The following RARS2 variants were observed in gnomAD, a reference collection of about 807,000 sequenced individuals.
RARS2 encodes the protein arginyl-tRNA synthetase 2, mitochondrial, also known as probable arginine--tRNA ligase, mitochondrial.
Under a neutral mutation model 88.5 loss-of-function variants are expected in RARS2, and 67 were observed. That is an observed-to-expected ratio of 0.76 (90% confidence interval 0.62 to 0.93). The LOEUF is 0.93. Among genes scored for constraint, RARS2 ranks in the 40% least tolerant of loss-of-function variants. The pLI, the probability that RARS2 is intolerant of heterozygous loss-of-function variation, is 0.00. For synonymous variants in RARS2, 239 were observed against 230.3 expected (o/e 1.04, Z -0.34); for missense variants, 664 against 684.2 (o/e 0.97, Z 0.33).
chr6:87,587,408 A>C (rs766762854), intron 1 of RARS2, among the ~76,000 whole-genome samples: 2 of 152,076 alleles, frequency 1.3e-5, no homozygotes, highest in Non-Finnish European at 2.9e-5. Flanking sequence ...ATTTATCCTC[A>C]AGTTTCAGAT....
At chr6:87,520,590 C>T (rs1773518846) in intron 12 of RARS2, among the ~76,000 whole-genome samples, 1 of 152,078 alleles carries the variant, frequency 6.6e-6, no homozygotes, top group Admixed American at 6.6e-5. Flanking sequence ...TTGATGGTAA[C>T]TTTCTTCTAA....
chr6:87,555,468 T>C lies in RARS2; in HGVS notation c.335A>G (p.Tyr112Cys). Residue 112 changes from tyrosine (Y) to cysteine (C), a missense_variant, in exon 5 of 20, where the codon TAT (tyrosine) becomes TGT (cysteine). Transcript: ENST00000369536. Reference protein sequence around the residue: ...LQQVIEDGSKYGLKSELFSGL... With the variant: ...LQQVIEDGSKCGLKSELFSGL... Reference sequence around the variant, plus strand: ...AGAGAAAAGTTCACTTTTTAATCCATATTTTGAGCCATCTTCAATTACTTG... The same window carrying C: ...AGAGAAAAGTTCACTTTTTAATCCACATTTTGAGCCATCTTCAATTACTTG... 6.2e-7 allele frequency: 1 copy of C among 1,613,984 alleles called. No homozygotes were observed. Among genetic ancestry groups the C allele is most frequent in the South Asian group, 1.1e-5 (1 of 91,082 alleles).
chr6:87,522,116 G>T (rs1774069832), intron 11 of RARS2, among the ~76,000 whole-genome samples: 1 of 152,020 alleles, frequency 6.6e-6, no homozygotes, highest in South Asian at 2.1e-4. Context: ...AGGTTCACGA[G>T]GTCAGGAGTT....
intron 11 of RARS2, among the ~76,000 whole-genome samples, chr6:87,522,839 GCCTCAAGTGAT>G (rs1331338062): frequency 1.3e-5 from 2 of 152,058 alleles, no homozygotes; most frequent in East Asian, 3.9e-4. Flanking sequence ...CAAACTTCTG[GCCTCAAGTGAT>G]CCTCCTGCTT....
chr6:87,569,117 T>C lies in RARS2; in HGVS notation c.110+400A>G, dbSNP rs549915476. On this transcript the variant is annotated intron_variant, in intron 2 of 19. Coordinates refer to ENST00000369536, the MANE Select transcript of RARS2 (RefSeq NM_020320.5). ...CAACATTAAAAACCTAGTAGATAAATATGGTACAACAGTATTCAAGCACCA... is the reference window on the plus strand; with the variant it reads ...CAACATTAAAAACCTAGTAGATAAACATGGTACAACAGTATTCAAGCACCA... 2.0e-3 allele frequency among the ~76,000 whole-genome samples: 302 copies of C among 152,232 alleles called. 1 individual carries two copies. The highest frequency in any genetic ancestry group is 3.5e-3 in the Non-Finnish European group (238 of 68,004).
chr6:87,528,128 G>C (rs980977424), intron 10 of RARS2, among the ~76,000 whole-genome samples: 3 of 151,064 alleles, frequency 2.0e-5, no homozygotes, highest in African/African-American at 7.3e-5. Context: ...CATACAAAAG[G>C]CTAACAAGTA....
intron 8 of RARS2, among the ~76,000 whole-genome samples, chr6:87,536,934 A>G (rs1246736800): frequency 6.6e-6 from 1 of 152,234 alleles, no homozygotes; most frequent in Non-Finnish European, 1.5e-5. Flanking sequence ...ATGTCATGGG[A>G]AAAGAATGCT....
At chr6:87,562,224 T>C (rs942286523) in intron 4 of RARS2, among the ~76,000 whole-genome samples, 1 of 152,172 alleles carries the variant, frequency 6.6e-6, no homozygotes, top group African/African-American at 2.4e-5. Context: ...CAAGTGCTTA[T>C]ACAAACCTAG....
At chr6:87,584,561 C>A in intron 1 of RARS2, 1 of 317,918 alleles carries the variant, frequency 3.1e-6, no homozygotes, top group Non-Finnish European at 6.2e-6. Flanking sequence ...TTACAGCTGA[C>A]TTGCCAAGAG....
At chr6:87,566,080 G>C (rs1381235614) in intron 2 of RARS2, among the ~76,000 whole-genome samples, 2 of 152,318 alleles carry the variant, frequency 1.3e-5, no homozygotes, top group East Asian at 3.9e-4. Context: ...GGGAGGCCAA[G>C]GCAGGAGGAT....
At chr6:87,517,791 T>TA (rs1458980306) in intron 17 of RARS2, among the ~76,000 whole-genome samples, 2 of 152,328 alleles carry the variant, frequency 1.3e-5, no homozygotes, top group East Asian at 1.9e-4. Context: ...ATGAAGGACT[T>TA]ACGGTCTCTG....
At chr6:87,550,644 A>T (rs951343182) in intron 5 of RARS2, among the ~76,000 whole-genome samples, 1 of 151,840 alleles carries the variant, frequency 6.6e-6, no homozygotes, top group South Asian at 2.1e-4. Context: ...ATATGTTTAA[A>T]TATGGTGAAA....
At chr6:87,578,957 T>TAAA (rs1772489784) in intron 1 of RARS2, among the ~76,000 whole-genome samples, 1 of 4,450 alleles carries the variant, frequency 2.2e-4, no homozygotes, top group South Asian at 9.4e-3. Flanking sequence ...AGAGACTGTC[T>TAAA]CAAAAAAAAA....
At chr6:87,540,028 A>G (rs1023954568) in intron 8 of RARS2, among the ~76,000 whole-genome samples, 1 of 152,172 alleles carries the variant, frequency 6.6e-6, no homozygotes, top group African/African-American at 2.4e-5. Flanking sequence ...CCTCCCTATC[A>G]ATAAAACTCT....
At chr6:87,534,452 C>A (rs1778527622) in intron 8 of RARS2, among the ~76,000 whole-genome samples, 1 of 152,154 alleles carries the variant, frequency 6.6e-6, no homozygotes, top group South Asian at 2.1e-4. Flanking sequence ...TTGTAGAGCA[C>A]CACACACAAG....
At chr6:87,544,270 T>C (rs1390646338) in intron 7 of RARS2, among the ~76,000 whole-genome samples, 2 of 152,244 alleles carry the variant, frequency 1.3e-5, no homozygotes, top group African/African-American at 4.8e-5. Context: ...GAACTACAGG[T>C]TGATTTTTTA....
chr6:87,538,048 T>C (rs1021941587), intron 8 of RARS2, among the ~76,000 whole-genome samples: 1 of 152,240 alleles, frequency 6.6e-6, no homozygotes, highest in Non-Finnish European at 1.5e-5. Context: ...ATTCCTCATT[T>C]ATGCTAACAG....
At chr6:87,542,051 T>A in intron 7 of RARS2, 57 bp from the exon 8 acceptor site, 2 of 1,301,766 alleles carry the variant, frequency 1.5e-6, no homozygotes, top group African/African-American at 1.5e-5. Context: ...AGAATAGGCA[T>A]GACAGGGAAT....
chr6:87,562,376 CAGAA>C (rs1788106527), intron 4 of RARS2, among the ~76,000 whole-genome samples: 1 of 152,140 alleles, frequency 6.6e-6, no homozygotes, highest in Non-Finnish European at 1.5e-5. Context: ...TATCTAAACA[CAGAA>C]AGGTACAGTA....
Sources: allele counts gnomAD v4.1 joint callset (sites outside exome capture counted in the v4.1 genomes callset), GRCh38; gene constraint gnomAD v4.1.1; transcripts MANE v1.5; gene names NCBI Gene and HGNC (gene_info 2026-07-23, HGNC 2026-07-21).